The following TRIM56 variants were observed in gnomAD, a reference collection of about 807,000 sequenced individuals.
The protein encoded by TRIM56 is tripartite motif containing 56.
TRIM56 carries 10 observed loss-of-function variants against 17.1 expected under a neutral mutation model. The observed-to-expected ratio is 0.58, with a 90% CI of 0.36 to 0.99. The LOEUF is 0.99. TRIM56 is among the 50% of genes least tolerant of loss of function. The probability of loss-of-function intolerance (pLI) is 0.01; values close to 1 mark genes in which losing one functional copy is unlikely to be tolerated. For synonymous variants in TRIM56, 503 were observed against 473.5 expected (o/e 1.06, Z -0.81); for missense variants, 923 against 1,052.3 (o/e 0.88, Z 1.70).
At position 101,087,417 on chromosome 7, in the gene TRIM56, CT is replaced by C; in HGVS notation, c.106del (p.Cys36AlafsTer51). ...AGCTGCGGGCACCCAAGACACTGCCCTGCCTGCATACCTACTGCCAAGACTG... is the reference window on the plus strand; with the variant it reads ...AGCTGCGGGCACCCAAGACACTGCCCGCCTGCATACCTACTGCCAAGACTG... Reference protein sequence around the residue: ...EQLRAPKTLPCLHTYCQDCLA... With the variant: ...EQLRAPKTLPXLHTYCQDCLA... On this transcript the variant is annotated frameshift_variant, in exon 3 of 3. Coordinates refer to ENST00000306085, the MANE Select transcript of TRIM56 (RefSeq NM_030961.3). LOFTEE classifies it low-confidence loss of function (END_TRUNC). 1 of 1,613,038 alleles carries C rather than the reference CT, an allele frequency of 6.2e-7. No individual in the cohort carries two copies. The highest frequency in any genetic ancestry group is 8.5e-7 in the Non-Finnish European group (1 of 1,180,012).
In TRIM56 at chr7:101,095,651, A is replaced by G. The variant is rs946675166; in HGVS notation, c.*6071A>G. The stretch of plus-strand genomic sequence containing the variant: ...TCCCACAGGCGCCCTAGAGATGGGG[A>G]TGCCAAGTGGCTTCTCGGGAAGCTG... On this transcript the variant is annotated 3_prime_UTR_variant, in exon 3 of 3. Transcript: ENST00000306085. 11 of 152,138 alleles carry G rather than the reference A, an allele frequency of 7.2e-5. No homozygotes were observed. Among genetic ancestry groups the G allele is most frequent in the African/African-American group, 2.4e-4 (10 of 41,422 alleles). 9.4% of individuals were successfully genotyped at this position (152,138 alleles called of 1,614,324 possible).
rs1269947611 is a variant in TRIM56, at chr7:101,087,740, C to T, written c.428C>T (p.Thr143Ile). ...CACCGCTGCACCCGCCAGACCCACACCCACCGCGTGGTGGACCTGGTGGGC... is the reference window on the plus strand; with the variant it reads ...CACCGCTGCACCCGCCAGACCCACATCCACCGCGTGGTGGACCTGGTGGGC... ...DGHRCTRQTH[T>I]HRVVDLVGYR... Residue 143 changes from threonine (T) to isoleucine (I), a missense_variant, in exon 3 of 3, where the codon ACC becomes ATC. Physicochemically the swap from Thr to Ile is moderately conservative, Grantham distance 89. This residue lies in a region of TRIM56 where 643 missense variants were observed against 665.6 expected (regional missense o/e 0.97). Coordinates refer to ENST00000306085, the MANE Select transcript of TRIM56 (RefSeq NM_030961.3). The T allele has an allele frequency of 2.5e-6, 4 of 1,602,478 alleles. No homozygotes were observed. The highest frequency in any genetic ancestry group is 1.7e-6 in the Non-Finnish European group (2 of 1,175,638).
In TRIM56 at chr7:101,087,976, G is replaced by T. The variant is rs61758108; in HGVS notation, c.664G>T (p.Gly222Cys). The T allele has an allele frequency of 1.3e-6, 2 of 1,593,808 alleles. No homozygotes were observed. ...RRPGLEGLLA[G>C]VDNNLVELEA... ...GCCGGGCCTGGAGGGACTGCTGGCC[G>T]GTGTGGACAATAACCTGGTGGAGCT... is the stretch of plus-strand genomic sequence containing the variant. Residue 222 changes from glycine to cysteine, a missense_variant, in exon 3 of 3, where the codon GGT becomes TGT. Around this residue, in one of 3 missense-constraint regions of TRIM56, gnomAD observed 643 missense variants for 665.6 expected, o/e 0.97. Transcript: ENST00000306085.
rs1554358454 is a variant in TRIM56, at chr7:101,097,663, G to GAAGGTTTGGT, written c.*8084_*8085insAGGTTTGGTA. ...TAAAGACATTAGGAAGGAGGTTTGG[G>GAAGGTTTGGT]AGGGCAGCCTGACTTGTCTCCAGAG... On this transcript the variant is annotated 3_prime_UTR_variant, in exon 3 of 3. Transcript: ENST00000306085. 1 of 152,130 alleles carries GAAGGTTTGGT rather than the reference G, an allele frequency of 6.6e-6. No homozygotes were observed. The highest frequency in any genetic ancestry group is 2.4e-5 in the African/African-American group (1 of 41,396). 9.4% of individuals were successfully genotyped at this position (152,130 alleles called of 1,614,324 possible).
rs1431850684 is a variant in TRIM56 at position 101,088,270 on chromosome 7, G to A, written c.958G>A (p.Glu320Lys). The change falls in exon 3 of 3, where the codon GAG becomes AAG. Residue 320 changes from glutamate (E) to lysine (K), a missense_variant. Glu to Lys is a moderately conservative substitution (Grantham distance 56, BLOSUM62 1). Coordinates refer to ENST00000306085, the MANE Select transcript of TRIM56 (RefSeq NM_030961.3). ...GGTACTCAGCCTGGGGCGAGAGGCC[G>A]AGATCCTCTCCCTGGAAGGGGCGAT... The part of the protein sequence containing the change: ...RRVLSLGREA[E>K]ILSLEGAIAQ... 5 of 1,510,304 alleles carry A rather than the reference G, an allele frequency of 3.3e-6. No homozygotes were observed. Among genetic ancestry groups the A allele is most frequent in the Non-Finnish European group, 2.6e-6 (3 of 1,135,908 alleles). The allele number at this position is 1,510,304 out of a possible 1,614,324, so 93.6% of individuals were successfully genotyped here.
chr7:101,092,004 G>C lies in TRIM56; in HGVS notation c.*2424G>C. The C allele has an allele frequency of 3.3e-6, 1 of 301,070 alleles. No individual in the cohort carries two copies. Among genetic ancestry groups the C allele is most frequent in the South Asian group, 2.5e-5 (1 of 40,372 alleles). The allele number at this position is 301,070 out of a possible 1,614,324, so 18.6% of individuals were successfully genotyped here. A position where few individuals can be genotyped will look rare whatever the true frequency, so the allele number is the denominator to read the frequency against. On this transcript the variant is annotated 3_prime_UTR_variant, in exon 3 of 3. Transcript: ENST00000306085. Reference sequence around the variant, plus strand: ...GGGGTTTCACTGTGTTGGCCGGGCTGGTCTCCAGCTCCTAACCGCGAGTGA... The same window carrying C: ...GGGGTTTCACTGTGTTGGCCGGGCTCGTCTCCAGCTCCTAACCGCGAGTGA...
rs757364113 is a variant in TRIM56, at chr7:101,087,565, C to A, written c.253C>A (p.Leu85Met). The change falls in exon 3 of 3, where the codon CTG (leucine) becomes ATG (methionine). Residue 85 changes from leucine to methionine, a missense_variant. Transcript: ENST00000306085. ...CTTCTTCGTCAATGGGCTGCTGGAC[C>A]TGGTGAAGGCCCGGGCCTGTGGAGA... ...TNFFVNGLLD[L>M]VKARACGDLR... 6.2e-7 allele frequency: 1 copy of A among 1,613,016 alleles called. No individual in the cohort carries two copies. Among genetic ancestry groups the A allele is most frequent in the Non-Finnish European group, 8.5e-7 (1 of 1,179,600 alleles).
rs1795530205 is a variant in TRIM56 at position 101,089,653 on chromosome 7, TG to T, written c.*75del. 9.9e-6 allele frequency: 14 copies of T among 1,420,760 alleles called. No individual in the cohort carries two copies. The highest frequency in any genetic ancestry group is 1.3e-5 in the Non-Finnish European group (14 of 1,053,268). The allele number at this position is 1,420,760 out of a possible 1,614,324, so 88.0% of individuals were successfully genotyped here. On this transcript the variant is annotated 3_prime_UTR_variant, in exon 3 of 3. Transcript: ENST00000306085. Reference sequence around the variant, plus strand: ...AGGAGGCAGAGCTGTCCGTGGGAGGTGGAGGCCGAGGACATTTTCCTGAAGG... The same window carrying T: ...AGGAGGCAGAGCTGTCCGTGGGAGGTGAGGCCGAGGACATTTTCCTGAAGG...
rs751777706 is a variant in TRIM56 at position 101,087,731 on chromosome 7, A to G, written c.419A>G (p.Gln140Arg). ...ACADGHRCTR[Q>R]THTHRVVDLV... Reference sequence around the variant, plus strand: ...GCCGACGGGCACCGCTGCACCCGCCAGACCCACACCCACCGCGTGGTGGAC... The same window carrying G: ...GCCGACGGGCACCGCTGCACCCGCCGGACCCACACCCACCGCGTGGTGGAC... The change falls in exon 3 of 3, where the codon CAG becomes CGG. Residue 140 changes from glutamine to arginine, a missense_variant. Around this residue, in one of 3 missense-constraint regions of TRIM56, gnomAD observed 643 missense variants for 665.6 expected, o/e 0.97. Coordinates refer to ENST00000306085, the MANE Select transcript of TRIM56 (RefSeq NM_030961.3). 3.1e-5 allele frequency: 50 copies of G among 1,597,390 alleles called. No homozygotes were observed. Among genetic ancestry groups the G allele is most frequent in the Non-Finnish European group, 4.3e-5 (50 of 1,172,592 alleles).
rs1175595852 is a variant in TRIM56 at position 101,096,798 on chromosome 7, A to G, written c.*7218A>G. The G allele has an allele frequency of 6.6e-6, 1 of 152,172 alleles. No individual in the cohort carries two copies. The highest frequency in any genetic ancestry group is 1.9e-4 in the East Asian group (1 of 5,194). The allele number at this position is 152,172 out of a possible 1,614,324, so 9.4% of individuals were successfully genotyped here. A position where few individuals can be genotyped will look rare whatever the true frequency, so the allele number is the denominator to read the frequency against. On this transcript the variant is annotated 3_prime_UTR_variant, in exon 3 of 3. Transcript: ENST00000306085. Reference sequence around the variant, plus strand: ...ATCAGCTTCTCCTTCAGAGGAGACCATTTTGTTTTGCTTTCCAGCAGTTAC... The same window carrying G: ...ATCAGCTTCTCCTTCAGAGGAGACCGTTTTGTTTTGCTTTCCAGCAGTTAC...
Position 101,087,095 on chromosome 7 carries a change from G to T in TRIM56, c.-75G>T. 1.7e-6 allele frequency: 1 copy of T among 572,992 alleles called. No individual in the cohort carries two copies. The highest frequency in any genetic ancestry group is 2.8e-5 in the East Asian group (1 of 35,208). 35.5% of individuals were successfully genotyped at this position (572,992 alleles called of 1,614,324 possible). A position where few individuals can be genotyped will look rare whatever the true frequency, so the allele number is the denominator to read the frequency against. ...AGTGGAGGAGGAGGAGGAGAAGGAGGAGGGCAGCTCCTTAGCTCAAGAGCA... is the reference window on the plus strand; with the variant it reads ...AGTGGAGGAGGAGGAGGAGAAGGAGTAGGGCAGCTCCTTAGCTCAAGAGCA... On this transcript the variant is annotated 5_prime_UTR_variant, in exon 2 of 3. Coordinates refer to ENST00000306085, the MANE Select transcript of TRIM56 (RefSeq NM_030961.3).
Position 101,095,181 on chromosome 7 carries a change from C to T in TRIM56, c.*5601C>T, listed in dbSNP as rs1795637042. On this transcript the variant is annotated 3_prime_UTR_variant, in exon 3 of 3. Transcript: ENST00000306085. ...TTGAGGCCAGGAGTTCAAGACTAGGCTGGGCAACATAGCAAGACCCCATCT... is the reference window on the plus strand; with the variant it reads ...TTGAGGCCAGGAGTTCAAGACTAGGTTGGGCAACATAGCAAGACCCCATCT... 6.6e-6 allele frequency: 1 copy of T among 152,228 alleles called. No individual in the cohort carries two copies. The highest frequency in any genetic ancestry group is 1.5e-5 in the Non-Finnish European group (1 of 68,294). 9.4% of individuals were successfully genotyped at this position (152,228 alleles called of 1,614,324 possible).
At position 101,094,800 on chromosome 7, in the gene TRIM56, T is replaced by C. The variant is rs1433859656; in HGVS notation, c.*5220T>C. ...GGAGTTTCTACAGGACCAACTAGAA[T>C]AGGGATCAGCTACATGGGGGCGGGG... is the stretch of plus-strand genomic sequence containing the variant. On this transcript the variant is annotated 3_prime_UTR_variant, in exon 3 of 3. Transcript: ENST00000306085. 2 of 99,254 alleles carry C rather than the reference T, an allele frequency of 2.0e-5. No homozygotes were observed. Among genetic ancestry groups the C allele is most frequent in the African/African-American group, 8.0e-5 (2 of 24,992 alleles). 6.1% of individuals were successfully genotyped at this position (99,254 alleles called of 1,614,324 possible). A position where few individuals can be genotyped will look rare whatever the true frequency, so the allele number is the denominator to read the frequency against.
rs183476747 is a variant in TRIM56, at chr7:101,086,175, C to T, written c.-165+604C>T. 4.7e-3 allele frequency among the ~76,000 whole-genome samples: 719 copies of T among 152,222 alleles called. 7 individuals carry two copies. The highest frequency in any genetic ancestry group is 0.016 in the African/African-American group (650 of 41,530). Reference sequence around the variant, plus strand: ...TCCTAATGCTTTGGGAAGGCCGAGACGGGAGGATAGCCTGAGGCCAGGAGT... The same window carrying T: ...TCCTAATGCTTTGGGAAGGCCGAGATGGGAGGATAGCCTGAGGCCAGGAGT... On this transcript the variant is annotated intron_variant, in intron 1 of 2. Transcript: ENST00000306085.
In TRIM56 at chr7:101,088,938, C is replaced by T. The variant is rs369412072; in HGVS notation, c.1626C>T (p.Gly542=). The T allele has an allele frequency of 5.0e-6, 8 of 1,613,482 alleles. No individual in the cohort carries two copies. The highest frequency in any genetic ancestry group is 2.2e-5 in the East Asian group (1 of 44,884). ...KRFSLNGDYK[G]TVPVPEGCSP... ...TCTCCCTCAACGGCGACTACAAGGG[C>T]ACCGTGCCGGTCCCTGAGGGCTGCT... is the stretch of plus-strand genomic sequence containing the variant. Residue 542 remains glycine (G), a synonymous_variant, in exon 3 of 3, where the codon GGC becomes GGT. Coordinates refer to ENST00000306085, the MANE Select transcript of TRIM56 (RefSeq NM_030961.3).
rs1159812867 is a variant in TRIM56, at chr7:101,094,222, A to C, written c.*4642A>C. ...AGAAATAGTTACGTGATACAGTCAT[A>C]ATCCTCAAAAACGGAGAATCAGGAA... On this transcript the variant is annotated 3_prime_UTR_variant, in exon 3 of 3. Coordinates refer to ENST00000306085, the MANE Select transcript of TRIM56 (RefSeq NM_030961.3). 1 of 152,234 alleles carries C rather than the reference A, an allele frequency of 6.6e-6. No homozygotes were observed. The highest frequency in any genetic ancestry group is 2.4e-5 in the African/African-American group (1 of 41,456). The allele number at this position is 152,234 out of a possible 1,614,324, so 9.4% of individuals were successfully genotyped here.
rs1241097861 is a variant in TRIM56, at chr7:101,096,936, A to G, written c.*7356A>G. ...AAAAGCCAGCTAAGAATCAGACCGT[A>G]TTAGTTAAGGACCCATAAGAGTAGA... On this transcript the variant is annotated 3_prime_UTR_variant, in exon 3 of 3. Coordinates refer to ENST00000306085, the MANE Select transcript of TRIM56 (RefSeq NM_030961.3). 1 of 152,242 alleles carries G rather than the reference A, an allele frequency of 6.6e-6. No homozygotes were observed. Among genetic ancestry groups the G allele is most frequent in the Non-Finnish European group, 1.5e-5 (1 of 68,042 alleles). 9.4% of individuals were successfully genotyped at this position (152,242 alleles called of 1,614,324 possible).
In TRIM56 at chr7:101,087,383, G is replaced by T. The variant is rs1373973635; in HGVS notation, c.71G>T (p.Cys24Phe). ...LSSDFLACKI[C>F]LEQLRAPKTL... ...AGCGACTTCCTGGCCTGTAAAATCT[G>T]CCTGGAGCAGCTGCGGGCACCCAAG... Residue 24 changes from cysteine to phenylalanine, a missense_variant, in exon 3 of 3, where the codon TGC becomes TTC. Around this residue, in one of 3 missense-constraint regions of TRIM56, gnomAD observed 98 missense variants for 143.6 expected, o/e 0.68. Coordinates refer to ENST00000306085, the MANE Select transcript of TRIM56 (RefSeq NM_030961.3). 1.9e-6 allele frequency: 3 copies of T among 1,612,652 alleles called. No homozygotes were observed. Among genetic ancestry groups the T allele is most frequent in the African/African-American group, 1.3e-5 (1 of 74,954 alleles).
Position 101,094,387 on chromosome 7 carries a change from A to T in TRIM56, c.*4807A>T, listed in dbSNP as rs1795625934. 6.6e-6 allele frequency: 1 copy of T among 151,978 alleles called. No individual in the cohort carries two copies. Among genetic ancestry groups the T allele is most frequent in the South Asian group, 2.1e-4 (1 of 4,832 alleles). The allele number at this position is 151,978 out of a possible 1,614,324, so 9.4% of individuals were successfully genotyped here. The stretch of plus-strand genomic sequence containing the variant: ...TTTTGTTTTTTGTTTGTTTTTCATT[A>T]TTTTGTGCTATTATTCATACGTGTA... On this transcript the variant is annotated 3_prime_UTR_variant, in exon 3 of 3. Coordinates refer to ENST00000306085, the MANE Select transcript of TRIM56 (RefSeq NM_030961.3).
Sources: allele counts gnomAD v4.1 joint callset (sites outside exome capture counted in the v4.1 genomes callset), GRCh38; gene constraint gnomAD v4.1.1; regional missense constraint gnomAD v4.1.1; transcripts MANE v1.5; gene names NCBI Gene and HGNC (gene_info 2026-07-23, HGNC 2026-07-21).